CACNA2D3: variants seen among roughly 807,000 people sequenced by gnomAD.
The protein encoded by CACNA2D3 is calcium voltage-gated channel auxiliary subunit alpha2delta 3, also known as voltage-dependent calcium channel subunit alpha-2/delta-3.
CACNA2D3 carries 60 observed loss-of-function variants against 160.6 expected under a neutral mutation model. That is an observed-to-expected ratio of 0.37 (90% confidence interval 0.30 to 0.46). CACNA2D3 has a LOEUF of 0.46. Ranked by LOEUF, CACNA2D3 falls within the 20% of genes least tolerant of loss-of-function variation. The pLI is 1.00. For synonymous variants in CACNA2D3, 558 were observed against 492.9 expected (o/e 1.13, Z -1.75); for missense variants, 1,205 against 1,365.0 (o/e 0.88, Z 1.85).
At chr3:54,368,145 A>G (rs1462376942) in intron 3 of CACNA2D3, among the ~76,000 whole-genome samples, 2 of 152,182 alleles carry the variant, frequency 1.3e-5, no homozygotes, top group Non-Finnish European at 2.9e-5. Flanking sequence ...TAAAAGAGTT[A>G]TTATTTTAAT....
intron 3 of CACNA2D3, among the ~76,000 whole-genome samples, chr3:54,361,028 T>C (rs1279114875): frequency 6.6e-6 from 1 of 152,138 alleles, no homozygotes; most frequent in Non-Finnish European, 1.5e-5. Context: ...TTAATATTTG[T>C]CACTGCATTT....
intron 27 of CACNA2D3, among the ~76,000 whole-genome samples, chr3:54,913,631 G>A (rs1215475974): frequency 2.0e-5 from 3 of 152,116 alleles, no homozygotes; most frequent in Admixed American, 2.0e-4. Context: ...CCAGAGCTCT[G>A]GCAGTGTCCT....
intron 21 of CACNA2D3, among the ~76,000 whole-genome samples, chr3:54,884,785 A>G (rs375909848): frequency 6.6e-6 from 1 of 152,352 alleles, no homozygotes; most frequent in South Asian, 2.1e-4. Context: ...ACGACTTCAT[A>G]TTGTTCAACC....
chr3:54,912,647 T>A (rs1364179543), intron 27 of CACNA2D3, among the ~76,000 whole-genome samples: 1 of 152,036 alleles, frequency 6.6e-6, no homozygotes, highest in Non-Finnish European at 1.5e-5. Context: ...TCACCACATG[T>A]AAAATAAAAA....
intron 9 of CACNA2D3, among the ~76,000 whole-genome samples, chr3:54,592,775 T>G (rs1702884746): frequency 6.6e-6 from 1 of 152,266 alleles, no homozygotes; most frequent in South Asian, 2.1e-4. Flanking sequence ...AACTTTCATC[T>G]TCTTTGGCAG....
intron 11 of CACNA2D3, among the ~76,000 whole-genome samples, chr3:54,734,091 A>G (rs192374817): frequency 6.6e-6 from 1 of 152,290 alleles, no homozygotes; most frequent in East Asian, 1.9e-4. Context: ...AGGCATTTTT[A>G]AAAGAGGATT....
chr3:55,009,324 T>A, intron 33 of CACNA2D3, 64 bp from the exon 34 acceptor site: 1 of 1,367,406 alleles, frequency 7.3e-7, no homozygotes, highest in Non-Finnish European at 1.0e-6. Flanking sequence ...ATACAGAAAG[T>A]CACTGTTCTG....
At chr3:54,521,027 G>A (rs1385579271) in intron 5 of CACNA2D3, among the ~76,000 whole-genome samples, 3 of 88,146 alleles carry the variant, frequency 3.4e-5, no homozygotes, top group Non-Finnish European at 7.9e-5. Flanking sequence ...GGGCACTTGG[G>A]TTGCTACTAA....
chr3:54,959,058 G>A (rs561759150), intron 27 of CACNA2D3, among the ~76,000 whole-genome samples: 118 of 152,276 alleles, frequency 7.7e-4, no homozygotes, highest in Middle Eastern at 6.8e-3. Context: ...CCATGATCGC[G>A]CCACTGCACT....
intron 5 of CACNA2D3, among the ~76,000 whole-genome samples, chr3:54,547,043 A>G (rs1326426566): frequency 6.6e-6 from 1 of 152,196 alleles, no homozygotes; most frequent in Non-Finnish European, 1.5e-5. Context: ...TATAGGAGCT[A>G]CAGAGGTCCA....
chr3:55,018,471 A>G (rs925484756), intron 35 of CACNA2D3, among the ~76,000 whole-genome samples, 154 bp downstream of exon 35: 3 of 152,206 alleles, frequency 2.0e-5, no homozygotes, highest in Non-Finnish European at 4.4e-5. Flanking sequence ...CTTGGAAGAA[A>G]CACCACTTGG....
At chr3:54,202,836 C>T (rs1701203150) in intron 2 of CACNA2D3, among the ~76,000 whole-genome samples, 1 of 152,198 alleles carries the variant, frequency 6.6e-6, no homozygotes, top group Non-Finnish European at 1.5e-5. Context: ...AGTAGTGTCC[C>T]TTCTCTCCCC....
In CACNA2D3 at chr3:54,885,315, G is replaced by T. The variant is rs1252105497; in HGVS notation, c.1947G>T (p.Leu649Phe). Residue 649 changes from leucine (L) to phenylalanine (F), a missense_variant, in exon 22 of 38, where the codon TTG becomes TTT. Coordinates refer to ENST00000474759, the MANE Select transcript of CACNA2D3 (RefSeq NM_018398.3). The part of the protein sequence containing the change: ...LHDLEHPDVS[L>F]ADEWSYCNTD... ...ACTTAGAACATCCCGATGTGTCCTTGGCAGATGAATGGTAAGAATTAAACC... is the reference window on the plus strand; with the variant it reads ...ACTTAGAACATCCCGATGTGTCCTTTGCAGATGAATGGTAAGAATTAAACC... 2 of 1,613,874 alleles carry T rather than the reference G, an allele frequency of 1.2e-6. No individual in the cohort carries two copies. The highest frequency in any genetic ancestry group is 3.3e-5 in the Admixed American group (2 of 60,010).
At chr3:54,601,449 C>G (rs1703059336) in intron 9 of CACNA2D3, among the ~76,000 whole-genome samples, 1 of 152,254 alleles carries the variant, frequency 6.6e-6, no homozygotes, top group Non-Finnish European at 1.5e-5. Context: ...CTCAAGTGAT[C>G]CTCCTGCCTC....
At chr3:54,889,051 A>G (rs938562256) in intron 24 of CACNA2D3, among the ~76,000 whole-genome samples, 4 of 152,248 alleles carry the variant, frequency 2.6e-5, no homozygotes, top group Non-Finnish European at 5.9e-5. Flanking sequence ...GCAGCATTCC[A>G]GGAACAGCAT....
intron 13 of CACNA2D3, among the ~76,000 whole-genome samples, chr3:54,778,306 C>G (rs913062685): frequency 1.3e-5 from 2 of 152,054 alleles, no homozygotes; most frequent in Non-Finnish European, 2.9e-5. Context: ...TGAATGGGGC[C>G]TTTCCCCATT....
intron 9 of CACNA2D3, among the ~76,000 whole-genome samples, chr3:54,583,008 G>A (rs978969561): frequency 2.6e-5 from 4 of 152,216 alleles, no homozygotes; most frequent in African/African-American, 9.6e-5. Context: ...AAGAACAGGT[G>A]TAACCTGAGA....
At chr3:54,258,754 A>G (rs572796523) in intron 2 of CACNA2D3, among the ~76,000 whole-genome samples, 1 of 152,234 alleles carries the variant, frequency 6.6e-6, no homozygotes, top group East Asian at 1.9e-4. Context: ...TTGGTCATGT[A>G]AGTGTTTGAA....
At chr3:54,573,642 T>C (rs911881897) in intron 8 of CACNA2D3, among the ~76,000 whole-genome samples, 1 of 152,148 alleles carries the variant, frequency 6.6e-6, no homozygotes, top group African/African-American at 2.4e-5. Flanking sequence ...TGTGCTTCTA[T>C]TGAATAAAAT....
Sources: gnomAD v4.1 joint callset for allele counts (sites outside exome capture counted in the v4.1 genomes callset) on GRCh38, gnomAD v4.1.1 for gene constraint, MANE v1.5 for transcripts, NCBI Gene and HGNC (gene_info 2026-07-23, HGNC 2026-07-21) for gene names.